Variants in GATA4 observed in about 807,000 individuals in gnomAD.
The protein encoded by GATA4 is transcription factor GATA-4.
A neutral mutation model predicts 37.9 loss-of-function variants in GATA4; 7 were observed. That is an observed-to-expected ratio of 0.18 (90% CI 0.11 to 0.35). The LOEUF (loss-of-function observed/expected upper bound fraction) is 0.35, where lower values mean the gene tolerates loss of function less well. GATA4 is among the 10% of genes least tolerant of loss of function. The probability of loss-of-function intolerance (pLI) is 1.00; values close to 1 mark genes in which losing one functional copy is unlikely to be tolerated. For synonymous variants in GATA4, 372 were observed against 292.6 expected, an observed-to-expected ratio of 1.27 and a Z score of -2.77; for missense variants, 647 against 653.0, an observed-to-expected ratio of 0.99 and a Z score of 0.10.
intron 2 of GATA4, among the ~76,000 whole-genome samples, chr8:11,726,345 G>T (rs1427031468): frequency 1.3e-5 from 2 of 152,212 alleles, no homozygotes; most frequent in African/African-American, 2.4e-5. Context: ...AGGTAGCAAA[G>T]GCGCCCAAAA....
chr8:11,678,980 A>T (rs544775948), intron 1 of GATA4, among the ~76,000 whole-genome samples: 19 of 152,328 alleles, frequency 1.2e-4, no homozygotes, highest in African/African-American at 4.6e-4. Flanking sequence ...TCCATTTCAA[A>T]TAGCTTTCTA....
At position 11,749,712 on chromosome 8, in the gene GATA4, C is replaced by T. The variant is rs76079184; in HGVS notation, c.787-399C>T. ...TCTTGAGGTCCCAGGGCCATTCAGACTTTGATACCATTTGGACACCGTGAT... is the reference window on the plus strand; with the variant it reads ...TCTTGAGGTCCCAGGGCCATTCAGATTTTGATACCATTTGGACACCGTGAT... On this transcript the variant is annotated intron_variant, in intron 3 of 6. Transcript: ENST00000532059. The surrounding 1 kb of genome is among the most constrained non-coding windows in gnomAD (Gnocchi z 4.6). 0.015 allele frequency among the ~76,000 whole-genome samples: 2,315 copies of T among 152,312 alleles called. 59 individuals carry two copies. The highest frequency in any genetic ancestry group is 0.047 in the African/African-American group (1,941 of 41,568).
At chr8:11,693,001 C>T in intron 1 of GATA4, 1 of 985,376 alleles carries the variant, frequency 1.0e-6, no homozygotes, top group Non-Finnish European at 1.2e-6. Context: ...GGCTGCACCC[C>T]CGGCCGCGCA....
chr8:11,681,111 G>T (rs551273417), intron 1 of GATA4: 6 of 982,950 alleles, frequency 6.1e-6, no homozygotes, highest in Non-Finnish European at 7.2e-6. Flanking sequence ...GGCTCGCAGG[G>T]TTCGTGGTCC....
chr8:11,708,850 T>G lies in GATA4; in HGVS notation c.538T>G (p.Ser180Ala). 1 of 1,498,854 alleles carries G rather than the reference T, an allele frequency of 6.7e-7. No homozygotes were observed. The highest frequency in any genetic ancestry group is 2.7e-5 in the East Asian group (1 of 36,620). The allele number at this position is 1,498,854 out of a possible 1,614,324, so 92.8% of individuals were successfully genotyped here. Residue 180 changes from serine (S) to alanine (A), a missense_variant, in exon 2 of 7, where the codon TCC (serine) becomes GCC (alanine). This residue lies in a region of GATA4 where 379 missense variants were observed against 334.5 expected (regional missense o/e 1.13). Transcript: ENST00000532059. The surrounding 1 kb of genome is among the most constrained non-coding windows in gnomAD (Gnocchi z 6.7). ...GTCCTGGGCCGCAGCCGCCGCCGCC[T>G]CCGCCGGCCCCTTCGACAGCCCGGT... Reference protein sequence around the residue: ...GASWAAAAAASAGPFDSPVLH... With the variant: ...GASWAAAAAAAAGPFDSPVLH...
At chr8:11,690,642 G>C (rs1799279993), upstream of GATA4, among the ~76,000 whole-genome samples, 1 of 152,174 alleles carries the variant, frequency 6.6e-6, no homozygotes, top group African/African-American at 2.4e-5. Flanking sequence ...AGAGGGCAGT[G>C]AGAGGGTCAC....
intron 2 of GATA4, among the ~76,000 whole-genome samples, chr8:11,713,776 C>T (rs953476952): frequency 1.3e-5 from 2 of 152,216 alleles, no homozygotes; most frequent in African/African-American, 4.8e-5. Context: ...TTGTCTTCAT[C>T]ATAAACTCCT....
chr8:11,742,239 C>G (rs1801774747), intron 2 of GATA4, among the ~76,000 whole-genome samples: 1 of 152,132 alleles, frequency 6.6e-6, no homozygotes, highest in African/African-American at 2.4e-5. Flanking sequence ...CCTGTTACAG[C>G]CTTCACGCTC....
intron 2 of GATA4, among the ~76,000 whole-genome samples, chr8:11,725,582 C>T (rs1023396149): frequency 2.0e-5 from 3 of 152,184 alleles, no homozygotes; most frequent in East Asian, 1.9e-4. Context: ...GGTTTTACTG[C>T]GCAGGCTGGG....
rs1802152376 is a variant in GATA4, at chr8:11,748,823, T to C, written c.617-93T>C. The C allele has an allele frequency of 2.1e-5, 30 of 1,447,496 alleles. No individual in the cohort carries two copies. In the South Asian group the frequency reaches 3.1e-4, roughly 15 times the overall value. The allele number at this position is 1,447,496 out of a possible 1,614,324, so 89.7% of individuals were successfully genotyped here. A position where few individuals can be genotyped will look rare whatever the true frequency, so the allele number is the denominator to read the frequency against. ...TTCTCTTTCCAAGGAAAGGGCATTG[T>C]TTCTGTGCGCTCTAGATTCTCAGAT... is the stretch of plus-strand genomic sequence containing the variant. On this transcript the variant is annotated intron_variant, in intron 2 of 6. Transcript: ENST00000532059.
chr8:11,678,059 A>AT (rs1798840318), intron 1 of GATA4, among the ~76,000 whole-genome samples: 1 of 149,536 alleles, frequency 6.7e-6, no homozygotes, highest in African/African-American at 2.5e-5. Context: ...AATAATAATA[A>AT]ATAGGAGTGA....
At chr8:11,680,038 C>T (rs1481883855) in intron 1 of GATA4, among the ~76,000 whole-genome samples, 2 of 152,216 alleles carry the variant, frequency 1.3e-5, no homozygotes, top group African/African-American at 4.8e-5. Flanking sequence ...TCGCCGGGGT[C>T]TCCTGCCAGG....
chr8:11,758,149 CAG>C, intron 6 of GATA4, 142 bp from the exon 7 acceptor site: 2 of 772,236 alleles, frequency 2.6e-6, no homozygotes, highest in East Asian at 2.5e-5. Flanking sequence ...TCAGGAGAAA[CAG>C]AGAGAAGTGC....
intron 2 of GATA4, among the ~76,000 whole-genome samples, chr8:11,723,924 T>C (rs1800794574): frequency 6.6e-6 from 1 of 152,228 alleles, no homozygotes; most frequent in Admixed American, 6.5e-5. Flanking sequence ...TCTCCGGAAC[T>C]CTTGCATCTT....
chr8:11,714,910 T>G (rs1800370251), intron 2 of GATA4, among the ~76,000 whole-genome samples: 1 of 152,198 alleles, frequency 6.6e-6, no homozygotes, highest in African/African-American at 2.4e-5. Context: ...GTAGTAGCCA[T>G]AAAATTGCAA....
intron 2 of GATA4, among the ~76,000 whole-genome samples, chr8:11,724,367 G>A (rs1800816655): frequency 6.6e-6 from 1 of 152,170 alleles, no homozygotes; most frequent in Admixed American, 6.5e-5. Context: ...GTAATGCTAT[G>A]TGGTTTTTAG....
chr8:11,688,906 A>C (rs906773751), upstream of GATA4, among the ~76,000 whole-genome samples: 3 of 152,262 alleles, frequency 2.0e-5, no homozygotes, highest in African/African-American at 7.2e-5. Context: ...TAATGTCTGC[A>C]GAAAATGAAT....
At chr8:11,729,837 A>T (rs960600392) in intron 2 of GATA4, among the ~76,000 whole-genome samples, 1 of 152,186 alleles carries the variant, frequency 6.6e-6, no homozygotes, top group African/African-American at 2.4e-5. Flanking sequence ...GAAAATGAGG[A>T]GTTACTTATT....
intron 2 of GATA4, among the ~76,000 whole-genome samples, chr8:11,711,349 C>A (rs767043336): frequency 6.6e-6 from 1 of 152,202 alleles, no homozygotes; most frequent in South Asian, 2.1e-4. Flanking sequence ...TGGTTTTTCT[C>A]TTCTGCACCC....
Sources: allele counts gnomAD v4.1 joint callset (sites outside exome capture counted in the v4.1 genomes callset), GRCh38; gene constraint gnomAD v4.1.1; regional missense constraint gnomAD v4.1.1; non-coding constraint Gnocchi (gnomAD v3.1); transcripts MANE v1.5; gene names NCBI Gene and HGNC (gene_info 2026-07-23, HGNC 2026-07-21).